XYLT2: variants seen among roughly 807,000 people sequenced by gnomAD.
XYLT2 encodes xylosyltransferase 2.
Under a neutral mutation model 82.6 loss-of-function variants are expected in XYLT2, and 37 were observed. That is an observed-to-expected ratio of 0.45 (90% confidence interval 0.34 to 0.59). XYLT2 has a LOEUF of 0.59. Ranked by LOEUF, XYLT2 falls within the 20% of genes least tolerant of loss-of-function variation. The pLI is 0.01. For synonymous variants in XYLT2, 474 were observed against 499.0 expected, an observed-to-expected ratio of 0.95 and a Z score of 0.67; for missense variants, 934 against 1,181.3, an observed-to-expected ratio of 0.79 and a Z score of 3.07.
At position 50,350,335 on chromosome 17, in the gene XYLT2, G is replaced by T. The variant is rs1182270912; in HGVS notation, c.136-3295G>T. On this transcript the variant is annotated intron_variant, in intron 1 of 10. Transcript: ENST00000017003. ...AATCCCAGCACTTTGGGAGGCCAAG[G>T]TTTGTGGATCACTTGAGGTCAGGAG... Among the ~76,000 whole-genome samples the T allele has an allele frequency of 5.7e-5, 6 of 105,026 alleles. 3 individuals are homozygous for T. The highest frequency in any genetic ancestry group is 1.9e-4 in the African/African-American group (6 of 31,680). 68.9% of individuals were successfully genotyped at this position (105,026 alleles called of 152,430 possible).
rs386386236 is a variant in XYLT2, at chr17:50,360,571, CTTTT to C, written c.*296_*299del. 6.5e-5 allele frequency: 64 copies of C among 979,828 alleles called. No homozygotes were observed. In the Admixed American group the frequency reaches 9.5e-4, roughly 14 times the overall value. 60.7% of individuals were successfully genotyped at this position (979,828 alleles called of 1,614,324 possible). ...TGTCTAGTTTGAATTTCTTTTTTTT[CTTTT>C]TTTTTTTTTTTTTTTAATTTAAAAA... On this transcript the variant is annotated 3_prime_UTR_variant, in exon 11 of 11. Coordinates refer to ENST00000017003, the MANE Select transcript of XYLT2 (RefSeq NM_022167.4).
chr17:50,357,973 A>G (rs778376821), intron 9 of XYLT2: 27 of 551,542 alleles, frequency 4.9e-5, no homozygotes, highest in Middle Eastern at 4.8e-4. Flanking sequence ...ATTGTCCCCA[A>G]TAAGGGGGAC....
At position 50,346,231 on chromosome 17, in the gene XYLT2, G is replaced by A; in HGVS notation, c.91G>A (p.Val31Ile). The A allele has an allele frequency of 3.2e-6, 4 of 1,256,276 alleles. No individual in the cohort carries two copies. Among genetic ancestry groups the A allele is most frequent in the Non-Finnish European group, 4.1e-6 (4 of 973,398 alleles). The allele number at this position is 1,256,276 out of a possible 1,614,324, so 77.8% of individuals were successfully genotyped here. Residue 31 changes from valine (V) to isoleucine (I), a missense_variant, in exon 1 of 11, where the codon GTA (valine) becomes ATA (isoleucine). Val to Ile is a conservative substitution (Grantham distance 29). Around this residue, in one of 3 missense-constraint regions of XYLT2, gnomAD observed 371 missense variants for 394.9 expected, o/e 0.94. Transcript: ENST00000017003. The surrounding 1 kb of genome is among the most constrained non-coding windows in gnomAD (Gnocchi z 5.1). ...GGCCATCCTGCTGCTGCAGGGCCTG[G>A]TAGTGTGGAGCTTCAGCGGCCTGGA... Reference protein sequence around the residue: ...ALAILLLQGLVVWSFSGLEED... With the variant: ...ALAILLLQGLIVWSFSGLEED...
At chr17:50,352,190 T>A (rs1291588692) in intron 1 of XYLT2, among the ~76,000 whole-genome samples, 2 of 152,360 alleles carry the variant, frequency 1.3e-5, no homozygotes, top group Non-Finnish European at 2.9e-5. Flanking sequence ...CGGCTCTCCC[T>A]AGCTGCAGTG....
In XYLT2 at chr17:50,356,762, C is replaced by T. The variant is rs778195875; in HGVS notation, c.1734C>T (p.Thr578=). 1 of 1,603,130 alleles carries T rather than the reference C, an allele frequency of 6.2e-7. No individual in the cohort carries two copies. Among genetic ancestry groups the T allele is most frequent in the South Asian group, 1.1e-5 (1 of 91,024 alleles). The change falls in exon 8 of 11, where the codon ACC becomes ACT. Residue 578 remains threonine (T), a synonymous_variant. Coordinates refer to ENST00000017003, the MANE Select transcript of XYLT2 (RefSeq NM_022167.4). ...CCACTGCTGCACCCCCAATGGGCACCCCACTCTGCAGGTGAGACCCCCTTC... is the reference window on the plus strand; with the variant it reads ...CCACTGCTGCACCCCCAATGGGCACTCCACTCTGCAGGTGAGACCCCCTTC... ...HAATAAPPMG[T]PLCRFEPRGL... is the part of the protein sequence containing the mutation.
In XYLT2 at chr17:50,354,003, T is replaced by G; in HGVS notation, c.509T>G (p.Leu170Arg). Reference sequence around the variant, plus strand: ...TGCGAGATCGTGGGCAAGGACGCACTGTCTGCACTGGCCCGGGCCAGCACC... The same window carrying G: ...TGCGAGATCGTGGGCAAGGACGCACGGTCTGCACTGGCCCGGGCCAGCACC... The part of the protein sequence containing the change: ...PKCEIVGKDA[L>R]SALARASTKQ... Residue 170 changes from leucine (L) to arginine (R), a missense_variant, in exon 2 of 11, where the codon CTG (leucine) becomes CGG (arginine). This residue lies in a region of XYLT2 where 371 missense variants were observed against 394.9 expected (regional missense o/e 0.94). Transcript: ENST00000017003. 4 of 1,607,116 alleles carry G rather than the reference T, an allele frequency of 2.5e-6. No individual in the cohort carries two copies. The highest frequency in any genetic ancestry group is 3.4e-6 in the Non-Finnish European group (4 of 1,179,910).
At position 50,353,807 on chromosome 17, in the gene XYLT2, G is replaced by C; in HGVS notation, c.313G>C (p.Ala105Pro). ...ACGGGCAGTAACCAGCCGGCAGAGAGCCAGCCGGCGGGTCCCACCTGCCCC... is the reference window on the plus strand; with the variant it reads ...ACGGGCAGTAACCAGCCGGCAGAGACCCAGCCGGCGGGTCCCACCTGCCCC... ...VVRAVTSRQR[A>P]SRRVPPAPPP... Residue 105 changes from alanine (A) to proline (P), a missense_variant, in exon 2 of 11, where the codon GCC (alanine) becomes CCC (proline). Physicochemically the swap from Ala to Pro is conservative, Grantham distance 27. Coordinates refer to ENST00000017003, the MANE Select transcript of XYLT2 (RefSeq NM_022167.4). The C allele has an allele frequency of 6.4e-7, 1 of 1,572,164 alleles. No homozygotes were observed. The highest frequency in any genetic ancestry group is 1.3e-5 in the African/African-American group (1 of 74,078).
intron 1 of XYLT2, among the ~76,000 whole-genome samples, chr17:50,348,269 A>C (rs771538316): frequency 1.6e-4 from 24 of 152,220 alleles, no homozygotes; most frequent in Admixed American, 6.5e-4. Context: ...TAGAATTACA[A>C]AGGGGTTGGC....
chr17:50,360,180 C>T lies in XYLT2; in HGVS notation c.2487C>T (p.Gly829=). ...CCGTGGCTGGACTGTGTGCCATAGG[C>T]CCCTCTCCCTGCCCCTCCCTGGAGC... ...FWSVAGLCAI[G]PSPCPSLEPC... Residue 829 remains glycine, a synonymous_variant, in exon 11 of 11, where the codon GGC becomes GGT. Transcript: ENST00000017003. 1 of 1,614,062 alleles carries T rather than the reference C, an allele frequency of 6.2e-7. No homozygotes were observed. Among genetic ancestry groups the T allele is most frequent in the Non-Finnish European group, 8.5e-7 (1 of 1,179,972 alleles).
In XYLT2 at chr17:50,356,716, G is replaced by A. The variant is rs559868224; in HGVS notation, c.1688G>A (p.Arg563His). The change falls in exon 8 of 11, where the codon CGC becomes CAC. Residue 563 changes from arginine (R) to histidine (H), a missense_variant. Transcript: ENST00000017003. Reference sequence around the variant, plus strand: ...CTCACTGCTTACACAGCCTTCGCCCGCCTCAGCCTGCACCATGCCGCCACT... The same window carrying A: ...CTCACTGCTTACACAGCCTTCGCCCACCTCAGCCTGCACCATGCCGCCACT... ...VMLTAYTAFARLSLHHAATAA... is the reference protein window; with the variant it reads ...VMLTAYTAFAHLSLHHAATAA... 5.6e-6 allele frequency: 9 copies of A among 1,609,928 alleles called. No homozygotes were observed. Among genetic ancestry groups the A allele is most frequent in the Non-Finnish European group, 6.8e-6 (8 of 1,179,936 alleles).
rs572050060 is a variant in XYLT2 at position 50,349,212 on chromosome 17, C to T, written c.135+2937C>T. Among the ~76,000 whole-genome samples the T allele has an allele frequency of 4.6e-4, 70 of 152,354 alleles. 2 individuals carry two copies. The South Asian group carries it at 0.014, about 30-fold the overall frequency. ...GCTTCCACTCGGAGAGCCTACAGCT[C>T]TCTGCCATCTACCCACCTAAGCTTG... On this transcript the variant is annotated intron_variant, in intron 1 of 10. Transcript: ENST00000017003.
chr17:50,346,487 G>C lies in XYLT2; in HGVS notation c.135+212G>C, dbSNP rs1403035875. 2 of 836,838 alleles carry C rather than the reference G, an allele frequency of 2.4e-6. No individual in the cohort carries two copies. The highest frequency in any genetic ancestry group is 3.7e-5 in the African/African-American group (2 of 54,510). 51.8% of individuals were successfully genotyped at this position (836,838 alleles called of 1,614,324 possible). A position where few individuals can be genotyped will look rare whatever the true frequency, so the allele number is the denominator to read the frequency against. On this transcript the variant is annotated intron_variant, in intron 1 of 10. Coordinates refer to ENST00000017003, the MANE Select transcript of XYLT2 (RefSeq NM_022167.4). This position sits in a 1 kb window ranked among gnomAD's most constrained non-coding sequence, Gnocchi z 5.1. ...GCGCGCGGGGGCAGTGCGTGACCTGGAGACCCGGGCCCTGGTGGATTGGGA... is the reference window on the plus strand; with the variant it reads ...GCGCGCGGGGGCAGTGCGTGACCTGCAGACCCGGGCCCTGGTGGATTGGGA...
intron 2 of XYLT2, 46 bp downstream of exon 2, chr17:50,354,168 G>C: frequency 6.3e-7 from 1 of 1,596,994 alleles, no homozygotes; most frequent in Non-Finnish European, 8.5e-7. Flanking sequence ...GGGGCAGGGG[G>C]GTGGCATGGC....
intron 2 of XYLT2, 47 bp downstream of exon 2, chr17:50,354,169 G>A (rs1912405951): frequency 1.3e-6 from 2 of 1,596,768 alleles, no homozygotes; most frequent in African/African-American, 1.3e-5. Flanking sequence ...GGGCAGGGGG[G>A]TGGCATGGCC....
At chr17:50,350,731 A>G (rs1376334492) in intron 1 of XYLT2, among the ~76,000 whole-genome samples, 1 of 152,154 alleles carries the variant, frequency 6.6e-6, no homozygotes, top group African/African-American at 2.4e-5. Flanking sequence ...GTAGGATGAG[A>G]GGAAATATTG....
At position 50,360,358 on chromosome 17, in the gene XYLT2, C is replaced by G; in HGVS notation, c.*67C>G. The stretch of plus-strand genomic sequence containing the variant: ...ACCTTACAGACAGTGGAGGGGTGTC[C>G]CCTCCCACAGGCAAGAACCAGAGGC... On this transcript the variant is annotated 3_prime_UTR_variant, in exon 11 of 11. Transcript: ENST00000017003. 2 of 1,463,894 alleles carry G rather than the reference C, an allele frequency of 1.4e-6. No individual in the cohort carries two copies. The highest frequency in any genetic ancestry group is 1.8e-6 in the Non-Finnish European group (2 of 1,107,116). The allele number at this position is 1,463,894 out of a possible 1,614,324, so 90.7% of individuals were successfully genotyped here.
intron 7 of XYLT2, 62 bp downstream of exon 7, chr17:50,356,323 A>G (rs1325056954): frequency 6.3e-7 from 1 of 1,585,638 alleles, no homozygotes; most frequent in African/African-American, 1.3e-5. Context: ...TCACCAGGAA[A>G]ATGGCAGGGT....
At position 50,356,776 on chromosome 17, in the gene XYLT2, G is replaced by A. The variant is rs369640490; in HGVS notation, c.1745+3G>A. On this transcript the variant is annotated splice_donor_region_variant and intron_variant, in intron 8 of 10. Transcript: ENST00000017003. ...CCAATGGGCACCCCACTCTGCAGGT[G>A]AGACCCCCTTCTGACATACAGCAGG... The A allele has an allele frequency of 1.6e-5, 25 of 1,598,960 alleles. No homozygotes were observed. In the African/African-American group the frequency reaches 3.1e-4, roughly 20 times the overall value.
chr17:50,351,071 G>A (rs1194406214), intron 1 of XYLT2, among the ~76,000 whole-genome samples: 1 of 152,152 alleles, frequency 6.6e-6, no homozygotes, highest in Non-Finnish European at 1.5e-5. Context: ...GCTCCTGTAA[G>A]GGCCTTGGTT....
Sources: allele counts gnomAD v4.1 joint callset (sites outside exome capture counted in the v4.1 genomes callset), GRCh38; gene constraint gnomAD v4.1.1; regional missense constraint gnomAD v4.1.1; non-coding constraint Gnocchi (gnomAD v3.1); transcripts MANE v1.5; gene names NCBI Gene and HGNC (gene_info 2026-07-23, HGNC 2026-07-21).